Variants in CSMD1 observed in about 807,000 individuals in gnomAD.
CSMD1 encodes CUB and sushi domain-containing protein 1.
Under a neutral mutation model 417.5 loss-of-function variants are expected in CSMD1, and 213 were observed. The observed-to-expected ratio is 0.51, with a 90% CI of 0.46 to 0.57. The LOEUF is 0.57. CSMD1 is among the 20% of genes least tolerant of loss of function. The probability of loss-of-function intolerance (pLI) is 0.00; values close to 1 mark genes in which losing one functional copy is unlikely to be tolerated. For synonymous variants in CSMD1, 2,862 were observed against 1,736.8 expected, an observed-to-expected ratio of 1.65 and a Z score of -16.11; for missense variants, 6,923 against 4,529.7, an observed-to-expected ratio of 1.53 and a Z score of -15.17.
intron 65 of CSMD1, among the ~76,000 whole-genome samples, chr8:2,952,055 T>G (rs1011358776): frequency 6.6e-6 from 1 of 152,158 alleles, no homozygotes; most frequent in African/African-American, 2.4e-5. Context: ...AAAAATAAAC[T>G]TATTTTTCAT....
At chr8:4,106,109 T>G (rs938858674) in intron 3 of CSMD1, among the ~76,000 whole-genome samples, 1 of 152,158 alleles carries the variant, frequency 6.6e-6, no homozygotes, top group African/African-American at 2.4e-5. Context: ...ACAACCCTTG[T>G]GGGTGGAGGG....
At chr8:3,730,187 A>T (rs1802760396) in intron 6 of CSMD1, among the ~76,000 whole-genome samples, 1 of 152,066 alleles carries the variant, frequency 6.6e-6, no homozygotes, top group Non-Finnish European at 1.5e-5. Flanking sequence ...TCATGTCTCC[A>T]ACAGGTAGGC....
chr8:3,282,675 A>G (rs1203521038), intron 26 of CSMD1, among the ~76,000 whole-genome samples: 1 of 152,180 alleles, frequency 6.6e-6, no homozygotes, highest in Admixed American at 6.5e-5. Context: ...TACAAGTACT[A>G]TTCCACAGGC....
intron 3 of CSMD1, among the ~76,000 whole-genome samples, chr8:4,417,745 A>C (rs552356996): frequency 1.3e-4 from 20 of 152,126 alleles, no homozygotes; most frequent in African/African-American, 4.8e-4. Flanking sequence ...CTCTAAATCA[A>C]CTTGAAACAT....
At chr8:3,168,759 G>C (rs1448319204) in intron 37 of CSMD1, among the ~76,000 whole-genome samples, 1 of 152,118 alleles carries the variant, frequency 6.6e-6, no homozygotes, top group African/African-American at 2.4e-5. Flanking sequence ...GAGGTAAAAA[G>C]ATTTTGTCTC....
At chr8:3,709,680 G>GGCTTT (rs1554518393) in intron 6 of CSMD1, among the ~76,000 whole-genome samples, 18 of 33,698 alleles carry the variant, frequency 5.3e-4, no homozygotes, top group African/African-American at 1.4e-3. Flanking sequence ...GCAGCAGCAT[G>GGCTTT]TTTTTTTTTT....
At chr8:3,121,983 G>C (rs779883332) in intron 41 of CSMD1, among the ~76,000 whole-genome samples, 4 of 151,674 alleles carry the variant, frequency 2.6e-5, no homozygotes, top group Non-Finnish European at 5.9e-5. Context: ...CTGTATTTTA[G>C]GTTGGTGAAA....
intron 3 of CSMD1, among the ~76,000 whole-genome samples, chr8:4,156,573 A>C (rs1033524537): frequency 2.0e-5 from 3 of 152,190 alleles, no homozygotes; most frequent in African/African-American, 7.2e-5. Flanking sequence ...TTCTATCCAC[A>C]TACCCAAAAG....
intron 34 of CSMD1, 42 bp from the exon 35 acceptor site, chr8:3,189,053 G>C (rs770160744): frequency 1.3e-6 from 2 of 1,581,790 alleles, no homozygotes; most frequent in Admixed American, 1.7e-5. Context: ...AGTGCTGTGG[G>C]ACAGTGTTGA....
intron 1 of CSMD1, among the ~76,000 whole-genome samples, chr8:4,864,135 T>C (rs545663894): frequency 6.6e-6 from 1 of 152,114 alleles, no homozygotes; most frequent in East Asian, 1.9e-4. Context: ...GGGTATTTTT[T>C]ATTAAATTGA....
chr8:4,560,214 G>A (rs546855371), intron 2 of CSMD1, among the ~76,000 whole-genome samples: 6 of 152,332 alleles, frequency 3.9e-5, no homozygotes, highest in Non-Finnish European at 8.8e-5. Context: ...CAGCAGCAAA[G>A]CTAAGAAGCC....
chr8:3,136,033 T>C (rs535875962), intron 41 of CSMD1, among the ~76,000 whole-genome samples: 2 of 152,056 alleles, frequency 1.3e-5, no homozygotes, highest in African/African-American at 4.8e-5. Flanking sequence ...ACTAGTTTCA[T>C]TCAGATTTCT....
chr8:3,076,659 T>C lies in CSMD1; in HGVS notation c.7474+10438A>G, dbSNP rs117557021. On this transcript the variant is annotated intron_variant, in intron 49 of 69. Coordinates refer to ENST00000635120, the MANE Select transcript of CSMD1 (RefSeq NM_033225.6). ...CCACCGCTGGCCTAATTTCAAGCTG[T>C]TTCCTCCCAGCAACACTGTTTATGT... is the stretch of plus-strand genomic sequence containing the variant. Among the ~76,000 whole-genome samples, 231 of 152,284 alleles carry C rather than the reference T, an allele frequency of 1.5e-3. 3 individuals carry two copies. In the East Asian group the frequency reaches 0.039, roughly 25 times the overall value.
chr8:4,420,116 A>T, intron 2 of CSMD1, 51 bp from the exon 3 acceptor site: 1 of 1,346,184 alleles, frequency 7.4e-7, no homozygotes, highest in Non-Finnish European at 1.0e-6. Context: ...GAATTTGTCA[A>T]AAAAAGCTTA....
At chr8:3,248,523 CTTTTTT>C (rs10663439) in intron 26 of CSMD1, among the ~76,000 whole-genome samples, 5 of 85,982 alleles carry the variant, frequency 5.8e-5, no homozygotes, top group East Asian at 3.3e-4. Context: ...AATTCCCTCC[CTTTTTT>C]TTTTTTTTTT....
intron 1 of CSMD1, among the ~76,000 whole-genome samples, chr8:4,673,359 G>A (rs182082198): frequency 1.3e-5 from 2 of 152,112 alleles, no homozygotes; most frequent in Admixed American, 1.3e-4. Context: ...TCCTTTGAAA[G>A]GGTTTAGCAT....
In CSMD1 at chr8:4,786,190, G is replaced by A. The variant is rs149033548; in HGVS notation, c.86-148632C>T. 8.8e-3 allele frequency among the ~76,000 whole-genome samples: 1,336 copies of A among 152,198 alleles called. 11 individuals carry two copies. Among genetic ancestry groups the A allele is most frequent in the South Asian group, 0.035 (169 of 4,820 alleles). ...GACAACCCACCTGCTCTACCATCTT[G>A]GCTCTTAAGCAAGAATCTTATTTCA... On this transcript the variant is annotated intron_variant, in intron 1 of 69. Coordinates refer to ENST00000635120, the MANE Select transcript of CSMD1 (RefSeq NM_033225.6).
intron 6 of CSMD1, among the ~76,000 whole-genome samples, chr8:3,712,410 C>CAG (rs1801575247): frequency 3.2e-5 from 2 of 62,086 alleles, no homozygotes; most frequent in African/African-American, 7.8e-5. Flanking sequence ...GACAGACAGA[C>CAG]AGACAGACAG....
chr8:3,240,314 G>C (rs1011846686), intron 26 of CSMD1, among the ~76,000 whole-genome samples: 1 of 152,122 alleles, frequency 6.6e-6, no homozygotes, highest in Admixed American at 6.6e-5. Context: ...AAAGGACTTA[G>C]GATCTATGGG....
Sources: allele counts gnomAD v4.1 joint callset (sites outside exome capture counted in the v4.1 genomes callset), GRCh38; gene constraint gnomAD v4.1.1; transcripts MANE v1.5; gene names NCBI Gene and HGNC (gene_info 2026-07-23, HGNC 2026-07-21).